Variants in ABCB1 observed in about 807,000 individuals in gnomAD.
ABCB1 encodes the protein ATP-dependent translocase ABCB1.
In ABCB1, 69 loss-of-function variants were observed where a neutral mutation model predicts 142.0. The observed-to-expected ratio is 0.49, with a 90% CI of 0.40 to 0.59. The LOEUF is 0.59. Among genes scored for constraint, ABCB1 ranks in the 20% least tolerant of loss-of-function variants. The pLI is 0.00. For synonymous variants in ABCB1, 532 were observed against 539.2 expected (o/e 0.99, Z 0.18); for missense variants, 1,326 against 1,554.7 (o/e 0.85, Z 2.47).
At chr7:87,616,412 G>C (rs1008981914) in intron 1 of ABCB1, among the ~76,000 whole-genome samples, 43 of 152,210 alleles carry the variant, frequency 2.8e-4, no homozygotes, top group African/African-American at 9.4e-4. Flanking sequence ...GTGCAATCTG[G>C]AGCTGACACA....
intron 1 of ABCB1, among the ~76,000 whole-genome samples, chr7:87,629,464 A>G (rs1347638331): frequency 6.6e-6 from 1 of 152,092 alleles, no homozygotes; most frequent in African/African-American, 2.4e-5. Flanking sequence ...TGTACTATCC[A>G]CTTTTCAGCT....
At chr7:87,580,286 C>G (rs1818454550) in intron 4 of ABCB1, among the ~76,000 whole-genome samples, 1 of 152,098 alleles carries the variant, frequency 6.6e-6, no homozygotes, top group Non-Finnish European at 1.5e-5. Flanking sequence ...GTATTTATTT[C>G]TCCTTCATGT....
At chr7:87,542,393 C>T (rs1287508355) in intron 17 of ABCB1, among the ~76,000 whole-genome samples, 1 of 152,116 alleles carries the variant, frequency 6.6e-6, no homozygotes, top group Non-Finnish European at 1.5e-5. Context: ...CAGATAGAAA[C>T]TGAAGTACAG....
intron 1 of ABCB1, among the ~76,000 whole-genome samples, chr7:87,650,016 G>A (rs1177873511): frequency 2.0e-5 from 3 of 152,098 alleles, no homozygotes; most frequent in South Asian, 2.1e-4. Context: ...ACTCAGTCAC[G>A]GGTAAGTCTT....
chr7:87,516,798 G>A (rs557840609), intron 23 of ABCB1, 133 bp from the exon 24 acceptor site: 4 of 881,002 alleles, frequency 4.5e-6, no homozygotes, highest in East Asian at 5.4e-5. Context: ...GTGCAGTAGT[G>A]CAATCAGAGC....
chr7:87,675,993 G>A (rs1167161792), intron 1 of ABCB1, among the ~76,000 whole-genome samples: 2 of 152,198 alleles, frequency 1.3e-5, no homozygotes, highest in Admixed American at 6.5e-5. Flanking sequence ...GACACTGGAG[G>A]ATTGCTTGAG....
At chr7:87,557,384 A>G (rs1817354177) in intron 8 of ABCB1, among the ~76,000 whole-genome samples, 1 of 152,228 alleles carries the variant, frequency 6.6e-6, no homozygotes, top group African/African-American at 2.4e-5. Context: ...AAATTTGTCA[A>G]ATAAATAAAC....
intron 23 of ABCB1, among the ~76,000 whole-genome samples, chr7:87,517,050 T>C (rs1815284872): frequency 3.3e-5 from 5 of 152,124 alleles, no homozygotes; most frequent in Admixed American, 2.6e-4. Flanking sequence ...AGTTGACACT[T>C]CTATAACCAG....
intron 1 of ABCB1, among the ~76,000 whole-genome samples, chr7:87,693,641 G>A (rs1474935253): frequency 6.6e-6 from 1 of 152,056 alleles, no homozygotes; most frequent in Non-Finnish European, 1.5e-5. Context: ...AAAGTAAACA[G>A]GAAACAATTT....
At chr7:87,563,049 C>A (rs1193270944) in intron 7 of ABCB1, among the ~76,000 whole-genome samples, 1 of 152,132 alleles carries the variant, frequency 6.6e-6, no homozygotes, top group Non-Finnish European at 1.5e-5. Flanking sequence ...TGCACATAAA[C>A]TAGAAAATCT....
chr7:87,691,582 C>G (rs1256570802), intron 1 of ABCB1, among the ~76,000 whole-genome samples: 1 of 152,146 alleles, frequency 6.6e-6, no homozygotes, highest in Non-Finnish European at 1.5e-5. Flanking sequence ...CTTCTACAAA[C>G]AAGCCCTGGG....
In ABCB1 at chr7:87,694,112, T is replaced by A. The variant is rs1008049250; in HGVS notation, c.-331+19049A>T. The A allele has an allele frequency of 2.8e-4, 224 of 802,538 alleles. No homozygotes were observed. The African/African-American group carries it at 3.5e-3, about 12-fold the overall frequency. 49.7% of individuals were successfully genotyped at this position (802,538 alleles called of 1,614,324 possible). A position where few individuals can be genotyped will look rare whatever the true frequency, so the allele number is the denominator to read the frequency against. On this transcript the variant is annotated intron_variant, in intron 1 of 28. Coordinates refer to the ABCB1 transcript ENST00000265724. ...TTTGTGTGTTTTTGTTTTTTTTTTTTAATCCAGAGAGCACAAGTATGCTTA... is the reference window on the plus strand; with the variant it reads ...TTTGTGTGTTTTTGTTTTTTTTTTTAAATCCAGAGAGCACAAGTATGCTTA...
chr7:87,711,791 T>C (rs1176123281), intron 1 of ABCB1, among the ~76,000 whole-genome samples: 3 of 152,200 alleles, frequency 2.0e-5, no homozygotes, highest in African/African-American at 7.2e-5. Flanking sequence ...TTTAGAGTGT[T>C]TTCCTCATCA....
At chr7:87,520,571 A>T (rs1815454754) in intron 22 of ABCB1, among the ~76,000 whole-genome samples, 1 of 152,166 alleles carries the variant, frequency 6.6e-6, no homozygotes, top group Admixed American at 6.5e-5. Flanking sequence ...ACCCATTCTT[A>T]CAGGTTCTAC....
At chr7:87,564,391 T>C (rs1817702409) in intron 7 of ABCB1, among the ~76,000 whole-genome samples, 2 of 151,950 alleles carry the variant, frequency 1.3e-5, no homozygotes, top group Admixed American at 1.3e-4. Context: ...TGAAAGTGGT[T>C]TTTCAAGATC....
At chr7:87,585,709 G>T (rs780508812) in intron 3 of ABCB1, 29 bp from the exon 4 acceptor site, 4 of 1,607,968 alleles carry the variant, frequency 2.5e-6, no homozygotes, top group Admixed American at 3.3e-5. Context: ...GAATAGCAGA[G>T]GAAAAATTAG....
At chr7:87,637,639 ATATT>A (rs943689117) in intron 1 of ABCB1, among the ~76,000 whole-genome samples, 6 of 152,030 alleles carry the variant, frequency 3.9e-5, no homozygotes, top group Non-Finnish European at 8.8e-5. Context: ...ATCTCTTATT[ATATT>A]TATTCTTGCA....
intron 1 of ABCB1, among the ~76,000 whole-genome samples, chr7:87,651,824 T>C (rs902897740): frequency 6.6e-6 from 1 of 152,122 alleles, no homozygotes; most frequent in Non-Finnish European, 1.5e-5. Context: ...GAGCAAAGGA[T>C]TGAATTGAAA....
intron 4 of ABCB1, 109 bp downstream of exon 4, chr7:87,585,403 C>T: frequency 9.2e-7 from 1 of 1,092,532 alleles, no homozygotes; most frequent in Middle Eastern, 2.2e-4. Context: ...CTGCCTCCTA[C>T]AGGACTAAAC....
Sources: gnomAD v4.1 joint callset for allele counts (sites outside exome capture counted in the v4.1 genomes callset) on GRCh38, gnomAD v4.1.1 for gene constraint, MANE v1.5 for transcripts, NCBI Gene and HGNC (gene_info 2026-07-23, HGNC 2026-07-21) for gene names.